PLXNA4: variants seen among roughly 807,000 people sequenced by gnomAD.
The protein encoded by PLXNA4 is plexin A4.
PLXNA4 carries 44 observed loss-of-function variants against 191.8 expected under a neutral mutation model. The ratio of observed to expected loss-of-function variants is 0.23; its 90% CI spans 0.18 to 0.29. The LOEUF (loss-of-function observed/expected upper bound fraction) is 0.29, where lower values mean the gene tolerates loss of function less well. Among genes scored for constraint, PLXNA4 ranks in the 10% least tolerant of loss-of-function variants. PLXNA4 has a pLI of 1.00. For missense variants in PLXNA4, 1,800 were observed against 2,488.8 expected (o/e 0.72, Z 5.89); for synonymous variants, 1,082 against 1,009.5 (o/e 1.07, Z -1.36).
intron 8 of PLXNA4, among the ~76,000 whole-genome samples, chr7:132,225,810 G>A (rs1275772116): frequency 6.6e-6 from 1 of 152,174 alleles, no homozygotes; most frequent in Non-Finnish European, 1.5e-5. Context: ...TCTTCATGTG[G>A]GATGCACCAC....
At position 132,391,057 on chromosome 7, in the gene PLXNA4, C is replaced by A. The variant is rs574402376; in HGVS notation, c.1372-92835G>T. Among the ~76,000 whole-genome samples, 7 of 152,276 alleles carry A rather than the reference C, an allele frequency of 4.6e-5. No individual in the cohort carries two copies. In the South Asian group the frequency reaches 1.5e-3, roughly 32 times the overall value. ...TTTGCCCCATCCCTTTCGAGTAAAG[C>A]AAAGGGATGATGGAATCTAGTTTCT... On this transcript the variant is annotated intron_variant, in intron 3 of 31. Transcript: ENST00000321063.
At chr7:132,440,526 G>T (rs186826565) in intron 3 of PLXNA4, among the ~76,000 whole-genome samples, 4 of 152,090 alleles carry the variant, frequency 2.6e-5, no homozygotes, top group Non-Finnish European at 4.4e-5. Context: ...CAGAAAATCC[G>T]TACTCTCAAG....
intron 4 of PLXNA4, among the ~76,000 whole-genome samples, chr7:132,287,597 A>G (rs1264586727): frequency 6.6e-6 from 1 of 152,084 alleles, no homozygotes; most frequent in Non-Finnish European, 1.5e-5. Context: ...GCACATGCTT[A>G]TACTTTCTGG....
chr7:132,550,564 T>G (rs901502325), intron 1 of PLXNA4, among the ~76,000 whole-genome samples: 5 of 152,170 alleles, frequency 3.3e-5, no homozygotes, highest in Non-Finnish European at 7.4e-5. Context: ...TCAGCTAATT[T>G]AAAAAATCAG....
chr7:132,351,437 A>C (rs1803480827), intron 3 of PLXNA4, among the ~76,000 whole-genome samples: 1 of 152,154 alleles, frequency 6.6e-6, no homozygotes, highest in African/African-American at 2.4e-5. Flanking sequence ...CAGTTTCCAG[A>C]TTGTGTTGAT....
intron 3 of PLXNA4, among the ~76,000 whole-genome samples, chr7:132,453,538 C>A (rs1039338364): frequency 3.6e-5 from 5 of 140,234 alleles, no homozygotes; most frequent in Non-Finnish European, 6.5e-5. Context: ...ATCCTTTGCC[C>A]ACAGTGAGGG....
intron 10 of PLXNA4, among the ~76,000 whole-genome samples, 154 bp downstream of exon 10, chr7:132,210,789 G>T (rs1161450279): frequency 6.6e-6 from 1 of 152,220 alleles, no homozygotes; most frequent in Non-Finnish European, 1.5e-5. Flanking sequence ...TGTGGGGCTG[G>T]GATGTGCCAG....
At chr7:132,132,206 C>T (rs1232545461) in intron 31 of PLXNA4, among the ~76,000 whole-genome samples, 19 of 152,238 alleles carry the variant, frequency 1.2e-4, no homozygotes, top group African/African-American at 4.3e-4. Context: ...GCTTCCTGGG[C>T]TGATCAGAAG....
Position 132,562,401 on chromosome 7 carries a change from CCTCCTCCTT to C in PLXNA4, c.-87+14012_-87+14020del, listed in dbSNP as rs572973741. 1.0e-3 allele frequency among the ~76,000 whole-genome samples: 134 copies of C among 131,142 alleles called. 1 individual carries two copies. Among genetic ancestry groups the C allele is most frequent in the Middle Eastern group, 5.3e-3 (1 of 188 alleles). 86.0% of individuals were successfully genotyped at this position (131,142 alleles called of 152,430 possible). Reference sequence around the variant, plus strand: ...TCCTTCTCCTCCTCCTTCTGCTGCTCCTCCTCCTTCTCCTCCTTCTCCTACTCCTTTTCC... The same window carrying C: ...TCCTTCTCCTCCTCCTTCTGCTGCTCCTCCTCCTTCTCCTACTCCTTTTCC... On this transcript the variant is annotated intron_variant, in intron 1 of 31. Coordinates refer to ENST00000321063, the MANE Select transcript of PLXNA4 (RefSeq NM_020911.2).
At position 132,164,282 on chromosome 7, in the gene PLXNA4, C is replaced by A. The variant is rs1209554354; in HGVS notation, c.4360G>T (p.Ala1454Ser). The change falls in exon 24 of 32, where the codon GCT becomes TCT. Residue 1454 changes from alanine to serine, a missense_variant. This residue lies in a region of PLXNA4 where 214 missense variants were observed against 298.2 expected (regional missense o/e 0.72). Transcript: ENST00000321063. ...FLLYKFLKECAGEPLFSLFCA... is the reference protein window; with the variant it reads ...FLLYKFLKECSGEPLFSLFCA... ...AACAGGGAGAAGAGGGGCTCCCCAG[C>A]ACACTCCTGGAGGTGAGAAGAACGT... The A allele has an allele frequency of 1.2e-6, 2 of 1,614,168 alleles. No individual in the cohort carries two copies. The highest frequency in any genetic ancestry group is 2.2e-5 in the East Asian group (1 of 44,872).
rs763868600 is a variant in PLXNA4, at chr7:132,123,801, A to C, written c.*6678T>G. 1.8e-4 allele frequency: 28 copies of C among 152,256 alleles called. No homozygotes were observed. Among genetic ancestry groups the C allele is most frequent in the Non-Finnish European group, 1.8e-4 (12 of 68,074 alleles). 9.4% of individuals were successfully genotyped at this position (152,256 alleles called of 1,614,324 possible). ...CTTCAACGGCTTCTCTATGTGACTCAAAGACCCCTGCCGGTTCCTTAAACC... is the reference window on the plus strand; with the variant it reads ...CTTCAACGGCTTCTCTATGTGACTCCAAGACCCCTGCCGGTTCCTTAAACC... On this transcript the variant is annotated 3_prime_UTR_variant, in exon 32 of 32. Coordinates refer to ENST00000321063, the MANE Select transcript of PLXNA4 (RefSeq NM_020911.2).
At chr7:132,597,866 T>TAC in intron 2 of PLXNA4, among the ~76,000 whole-genome samples, 1 of 151,602 alleles carries the variant, frequency 6.6e-6, no homozygotes, top group Non-Finnish European at 1.5e-5. Context: ...TCTCTATATA[T>TAC]ATATATACAT....
intron 9 of PLXNA4, among the ~76,000 whole-genome samples, chr7:132,219,978 T>C (rs951298385): frequency 2.0e-5 from 3 of 152,210 alleles, no homozygotes; most frequent in Non-Finnish European, 4.4e-5. Flanking sequence ...GTACACCCTA[T>C]GATGTTCGCA....
intron 1 of PLXNA4, among the ~76,000 whole-genome samples, chr7:132,518,005 C>A (rs1799008626): frequency 6.6e-6 from 1 of 152,056 alleles, no homozygotes; most frequent in African/African-American, 2.4e-5. Flanking sequence ...ATTTTTTTTA[C>A]TTTAAACTCT....
intron 3 of PLXNA4, among the ~76,000 whole-genome samples, chr7:132,403,871 C>T (rs1420408777): frequency 6.6e-6 from 1 of 152,130 alleles, no homozygotes; most frequent in Non-Finnish European, 1.5e-5. Context: ...TCCTGTCCTC[C>T]TTCCAAGTAA....
chr7:132,538,863 A>C (rs774459634), intron 1 of PLXNA4, among the ~76,000 whole-genome samples: 1 of 152,182 alleles, frequency 6.6e-6, no homozygotes, highest in Non-Finnish European at 1.5e-5. Context: ...GGGAAAGAAA[A>C]TCCCTTTCCT....
intron 3 of PLXNA4, among the ~76,000 whole-genome samples, chr7:132,481,262 C>A (rs547206140): frequency 1.3e-5 from 2 of 151,938 alleles, no homozygotes; most frequent in Non-Finnish European, 2.9e-5. Context: ...AGGGCAGAGA[C>A]AGAACAGAGG....
At chr7:132,146,149 C>T (rs1795426931) in intron 28 of PLXNA4, among the ~76,000 whole-genome samples, 1 of 150,838 alleles carries the variant, frequency 6.6e-6, no homozygotes, top group Admixed American at 6.6e-5. Flanking sequence ...CCCGACTTCC[C>T]CAACTTGAGA....
intron 13 of PLXNA4, 88 bp downstream of exon 13, chr7:132,198,397 A>G: frequency 2.0e-6 from 3 of 1,506,002 alleles, no homozygotes; most frequent in Non-Finnish European, 2.7e-6. Flanking sequence ...ACAAGCTCTG[A>G]GAGCACCTAG....
Sources: allele counts gnomAD v4.1 joint callset (sites outside exome capture counted in the v4.1 genomes callset), GRCh38; gene constraint gnomAD v4.1.1; regional missense constraint gnomAD v4.1.1; transcripts MANE v1.5; gene names NCBI Gene and HGNC (gene_info 2026-07-23, HGNC 2026-07-21).